Variants in MAF observed in about 807,000 individuals in gnomAD.
MAF encodes the protein MAF bZIP transcription factor, also known as transcription factor Maf.
A neutral mutation model predicts 22.0 loss-of-function variants in MAF; 10 were observed. The ratio of observed to expected loss-of-function variants is 0.45; its 90% CI spans 0.28 to 0.77. The LOEUF (loss-of-function observed/expected upper bound fraction) is 0.77, where lower values mean the gene tolerates loss of function less well. MAF is among the 30% of genes least tolerant of loss of function. The pLI, the probability that MAF is intolerant of heterozygous loss-of-function variation, is 0.12. For missense variants in MAF, 544 were observed against 548.4 expected, an observed-to-expected ratio of 0.99 and a Z score of 0.08; for synonymous variants, 337 against 255.8, an observed-to-expected ratio of 1.32 and a Z score of -3.03.
At chr16:79,240,526 A>G in the MAF span, among the ~76,000 whole-genome samples, 47 of 134,984 alleles carry the variant, frequency 3.5e-4, no homozygotes, top group East Asian at 4.6e-3. Context: ...AAAAAAAAAA[A>G]GGGCAGCAGC....
chr16:79,565,722 T>C, the MAF span, among the ~76,000 whole-genome samples: 1 of 152,192 alleles, frequency 6.6e-6, no homozygotes, highest in African/African-American at 2.4e-5. Context: ...CTGAGTCAAC[T>C]AAACTTCTTT....
the MAF span, among the ~76,000 whole-genome samples, chr16:79,557,886 C>G: frequency 6.6e-6 from 1 of 151,878 alleles, no homozygotes; most frequent in African/African-American, 2.4e-5. Flanking sequence ...ATCCATGGCT[C>G]AAAACTTCAT....
chr16:79,349,922 A>G, the MAF span, among the ~76,000 whole-genome samples: 1 of 152,126 alleles, frequency 6.6e-6, no homozygotes, highest in Non-Finnish European at 1.5e-5. Context: ...TGAACTTTTC[A>G]TCGTTTTCCA....
the MAF span, chr16:79,516,379 C>T: frequency 6.6e-6 from 1 of 152,164 alleles, no homozygotes; most frequent in African/African-American, 2.4e-5. Flanking sequence ...AAGGGGAAAA[C>T]TGCTGTGTGC....
the MAF span, among the ~76,000 whole-genome samples, chr16:79,240,115 G>T: frequency 2.6e-5 from 4 of 151,966 alleles, no homozygotes; most frequent in African/African-American, 9.6e-5. Context: ...GCCCAGAATG[G>T]CATTGGGGGT....
the MAF span, among the ~76,000 whole-genome samples, chr16:79,525,006 A>G: frequency 1.3e-5 from 2 of 152,186 alleles, no homozygotes; most frequent in Admixed American, 1.3e-4. Flanking sequence ...GTGTAATAAG[A>G]TTTAAAAAAT....
At chr16:79,418,831 C>T in the MAF span, among the ~76,000 whole-genome samples, 5 of 152,112 alleles carry the variant, frequency 3.3e-5, no homozygotes, top group Admixed American at 6.5e-5. Context: ...GGCTCCTCAC[C>T]GCATGGTTGG....
chr16:79,598,668 G>A, intron 1 of MAF, 117 bp downstream of exon 1: 2 of 1,546,250 alleles, frequency 1.3e-6, no homozygotes, highest in Non-Finnish European at 1.7e-6. Flanking sequence ...ACTCGGTGGG[G>A]GTGGGGGTGG....
chr16:79,543,665 CTTTTCT>C, the MAF span, among the ~76,000 whole-genome samples: 1 of 150,058 alleles, frequency 6.7e-6, no homozygotes, highest in South Asian at 2.1e-4. Flanking sequence ...TCCAGGCCCT[CTTTTCT>C]TTTTCTTTTT....
the MAF span, among the ~76,000 whole-genome samples, chr16:79,249,963 G>T: frequency 6.6e-6 from 1 of 152,182 alleles, no homozygotes; most frequent in Admixed American, 6.5e-5. Flanking sequence ...TAAAATACAG[G>T]TCCCAGAGGG....
the MAF span, among the ~76,000 whole-genome samples, chr16:79,293,806 G>C: frequency 6.6e-6 from 1 of 151,714 alleles, no homozygotes; most frequent in African/African-American, 2.4e-5. Flanking sequence ...TCTTGTGCCA[G>C]TCTATAATTT....
chr16:79,235,714 T>C, the MAF span, among the ~76,000 whole-genome samples: 2 of 152,000 alleles, frequency 1.3e-5, no homozygotes, highest in South Asian at 4.1e-4. Context: ...TTCACCTCAA[T>C]GTTGGGAGGT....
At chr16:79,563,592 G>C in the MAF span, among the ~76,000 whole-genome samples, 1 of 151,150 alleles carries the variant, frequency 6.6e-6, no homozygotes, top group Non-Finnish European at 1.5e-5. Flanking sequence ...TTTGATTTAT[G>C]GCATTTAAAA....
chr16:79,492,783 C>T, the MAF span, among the ~76,000 whole-genome samples: 1 of 152,156 alleles, frequency 6.6e-6, no homozygotes, highest in Admixed American at 6.5e-5. Flanking sequence ...AGGGAACATT[C>T]TTTAAGTCCA....
chr16:79,421,826 G>A, the MAF span, among the ~76,000 whole-genome samples: 61 of 152,168 alleles, frequency 4.0e-4, no homozygotes, highest in Non-Finnish European at 7.2e-4. Context: ...CCCCCAGGCT[G>A]GAGTTCAGTG....
chr16:79,232,251 C>G, the MAF span, among the ~76,000 whole-genome samples: 1 of 152,044 alleles, frequency 6.6e-6, no homozygotes, highest in African/African-American at 2.4e-5. Context: ...ATTACATATA[C>G]TGTGGTCTAT....
chr16:79,212,932 A>G, the MAF span: 1 of 151,936 alleles, frequency 6.6e-6, no homozygotes, highest in African/African-American at 2.4e-5. Context: ...AAAAATGACT[A>G]TTGTTTCATT....
chr16:79,530,504 T>C, the MAF span, among the ~76,000 whole-genome samples: 1 of 152,170 alleles, frequency 6.6e-6, no homozygotes, highest in African/African-American at 2.4e-5. Context: ...ACACACTAAA[T>C]AAAAAATCAG....
rs1913888187 is a variant in MAF at position 79,599,755 on chromosome 16, T to C, written c.148A>G (p.Ile50Val). 6.2e-7 allele frequency: 1 copy of C among 1,613,040 alleles called. No homozygotes were observed. The highest frequency in any genetic ancestry group is 1.1e-5 in the South Asian group (1 of 91,064). ...DRIISQCGRLIAGGSLSSTPM... is the reference protein window; with the variant it reads ...DRIISQCGRLVAGGSLSSTPM... ...GTGGAGGACAGCGAGCCCCCGGCGATGAGACGGCCGCACTGGCTGATGATG... is the reference window on the plus strand; with the variant it reads ...GTGGAGGACAGCGAGCCCCCGGCGACGAGACGGCCGCACTGGCTGATGATG... Residue 50 changes from isoleucine to valine, a missense_variant, in exon 1 of 2, where the codon ATC (isoleucine) becomes GTC (valine). By Grantham distance (29) the Ile-to-Val change is conservative. Around this residue, in one of 5 missense-constraint regions of MAF, gnomAD observed 63 missense variants for 72.7 expected, o/e 0.87. Transcript: ENST00000326043.
Sources: gnomAD v4.1 joint callset for allele counts (sites outside exome capture counted in the v4.1 genomes callset) on GRCh38, gnomAD v4.1.1 for gene constraint, gnomAD v4.1.1 regional missense constraint, MANE v1.5 for transcripts, NCBI Gene and HGNC (gene_info 2026-07-23, HGNC 2026-07-21) for gene names.